Variants in GLYATL3 observed in about 807,000 individuals in gnomAD.
The protein encoded by GLYATL3 is glycine-N-acyltransferase like 3.
GLYATL3 carries 31 observed loss-of-function variants against 28.5 expected under a neutral mutation model. The ratio of observed to expected loss-of-function variants is 1.09; its 90% CI spans 0.82 to 1.47. The LOEUF is 1.47. GLYATL3 is among the 40% of genes most tolerant of loss of function. GLYATL3 has a pLI of 0.00. For missense variants in GLYATL3, 369 were observed against 351.5 expected (o/e 1.05, Z -0.40); for synonymous variants, 141 against 140.2 (o/e 1.01, Z -0.04).
chr6:49,517,619 ATAGT>A, intron 4 of GLYATL3, 63 bp downstream of exon 4: 1 of 1,168,160 alleles, frequency 8.6e-7, no homozygotes, highest in Non-Finnish European at 1.2e-6. Context: ...ATATATCCAG[ATAGT>A]TATAGATATT....
chr6:49,507,182 C>T (rs1769025931), intron 1 of GLYATL3, among the ~76,000 whole-genome samples: 1 of 152,072 alleles, frequency 6.6e-6, no homozygotes, highest in Non-Finnish European at 1.5e-5. Flanking sequence ...GGGTCAGCTA[C>T]CCAAGGTAAA....
At chr6:49,505,886 A>C (rs536104347) in intron 1 of GLYATL3, among the ~76,000 whole-genome samples, 1 of 152,338 alleles carries the variant, frequency 6.6e-6, no homozygotes, top group East Asian at 1.9e-4. Flanking sequence ...AAAACTAAAA[A>C]TTGTAAAGGC....
Position 49,521,678 on chromosome 6 carries a change from C to A in GLYATL3, c.347C>A (p.Ala116Glu). ...LQSELYDVSK[A>E]VANSKQLNIK... ...AGTGAGTTATATGATGTTTCCAAAG[C>A]GGTTGCCAATTCAAAGCAGTTGAAT... Residue 116 changes from alanine (A) to glutamate (E), a missense_variant, in exon 5 of 6, where the codon GCG (alanine) becomes GAG (glutamate). By Grantham distance (107) the Ala-to-Glu change is moderately radical (BLOSUM62 -1). Coordinates refer to ENST00000371197, the MANE Select transcript of GLYATL3 (RefSeq NM_001010904.2). 3 of 1,550,156 alleles carry A rather than the reference C, an allele frequency of 1.9e-6. No individual in the cohort carries two copies.
At chr6:49,524,167 G>T (rs1769362194) in intron 5 of GLYATL3, among the ~76,000 whole-genome samples, 1 of 108,730 alleles carries the variant, frequency 9.2e-6, no homozygotes, top group Admixed American at 9.5e-5. Context: ...CCTTAGCAAT[G>T]ATTTTATTTG....
intron 1 of GLYATL3, among the ~76,000 whole-genome samples, chr6:49,500,833 C>T (rs1768899579): frequency 6.6e-6 from 1 of 152,066 alleles, no homozygotes. Flanking sequence ...TAACATGTTA[C>T]AAAAATGTGT....
chr6:49,503,103 ACT>A (rs1265078638), intron 1 of GLYATL3, among the ~76,000 whole-genome samples: 1 of 146,304 alleles, frequency 6.8e-6, no homozygotes, highest in Non-Finnish European at 1.5e-5. Flanking sequence ...TTGGGATGGT[ACT>A]CTTTTTGTGA....
At chr6:49,517,159 A>AC (rs1769231007) in intron 3 of GLYATL3, among the ~76,000 whole-genome samples, 2 of 148,330 alleles carry the variant, frequency 1.3e-5, no homozygotes, top group Admixed American at 1.3e-4. Context: ...ACTCTGTCTA[A>AC]AAAAAAAAAA....
chr6:49,511,918 A>G, intron 1 of GLYATL3, 45 bp from the exon 2 acceptor site: 1 of 728,062 alleles, frequency 1.4e-6, no homozygotes, highest in Non-Finnish European at 2.3e-6. Flanking sequence ...AGATCCAAAT[A>G]TTAACAGGCA....
chr6:49,507,247 G>A (rs890693092), intron 1 of GLYATL3, among the ~76,000 whole-genome samples: 9 of 152,004 alleles, frequency 5.9e-5, no homozygotes, highest in Non-Finnish European at 1.3e-4. Context: ...ATCACCAGAT[G>A]GAAAAGGAAG....
At chr6:49,520,017 CT>C (rs1769285537) in intron 4 of GLYATL3, among the ~76,000 whole-genome samples, 1 of 152,136 alleles carries the variant, frequency 6.6e-6, no homozygotes, top group South Asian at 2.1e-4. Flanking sequence ...GTTAGCCACT[CT>C]TCTCATAGAA....
rs1211049480 is a variant in GLYATL3 at position 49,526,858 on chromosome 6, C to T, written c.811C>T (p.Arg271Cys). ...KSLHAEFLPC[R>C]FHRLILTPAT... ...TCTCCATGCTGAGTTCTTGCCTTGT[C>T]GCTTCCACAGGCTTATTCTCACCCC... Residue 271 changes from arginine (R) to cysteine (C), a missense_variant, in exon 6 of 6, where the codon CGC becomes TGC. Physicochemically the swap from Arg to Cys is radical, Grantham distance 180. Coordinates refer to ENST00000371197, the MANE Select transcript of GLYATL3 (RefSeq NM_001010904.2). 1.3e-6 allele frequency: 2 copies of T among 1,551,210 alleles called. No individual in the cohort carries two copies. The highest frequency in any genetic ancestry group is 2.4e-5 in the East Asian group (1 of 40,892).
intron 1 of GLYATL3, among the ~76,000 whole-genome samples, chr6:49,500,924 A>G (rs965363908): frequency 2.0e-5 from 3 of 152,214 alleles, no homozygotes; most frequent in Admixed American, 6.5e-5. Context: ...AAAGATCCTT[A>G]TGAAATGAAT....
chr6:49,501,449 C>T (rs1352063137), intron 1 of GLYATL3, among the ~76,000 whole-genome samples: 2 of 152,088 alleles, frequency 1.3e-5, no homozygotes, highest in South Asian at 2.1e-4. Context: ...GTGAGGGCAG[C>T]GGTAGGTTAG....
Position 49,526,547 on chromosome 6 carries a change from G to C in GLYATL3, c.500G>C (p.Arg167Pro). The C allele has an allele frequency of 6.4e-7, 1 of 1,551,720 alleles. No individual in the cohort carries two copies. The highest frequency in any genetic ancestry group is 1.4e-5 in the African/African-American group (1 of 73,146). ...LSVANADLLN[R>P]TWSRGGNEQC... ...GTTGCCAATGCGGATCTACTCAACC[G>C]GACTTGGTCCCGGGGAGGCAATGAA... The change falls in exon 6 of 6, where the codon CGG (arginine) becomes CCG (proline). Residue 167 changes from arginine to proline, a missense_variant. Transcript: ENST00000371197.
chr6:49,501,190 A>G (rs1405910194), intron 1 of GLYATL3, among the ~76,000 whole-genome samples: 1 of 152,190 alleles, frequency 6.6e-6, no homozygotes, highest in African/African-American at 2.4e-5. Flanking sequence ...ACATGAGGTC[A>G]GGAGTTTGAG....
chr6:49,503,514 T>A (rs189509529), intron 1 of GLYATL3, among the ~76,000 whole-genome samples: 1 of 152,268 alleles, frequency 6.6e-6, no homozygotes, highest in African/African-American at 2.4e-5. Context: ...ACTTTTTTGA[T>A]AAGTAATATC....
At chr6:49,515,230 A>G (rs1214904965) in intron 2 of GLYATL3, among the ~76,000 whole-genome samples, 1 of 152,176 alleles carries the variant, frequency 6.6e-6, no homozygotes, top group South Asian at 2.1e-4. Context: ...TTCAAGTAGT[A>G]TACTGGGCTT....
intron 1 of GLYATL3, among the ~76,000 whole-genome samples, chr6:49,509,318 C>G (rs1296808651): frequency 6.6e-6 from 1 of 152,166 alleles, no homozygotes; most frequent in Admixed American, 6.6e-5. Flanking sequence ...TTTTCATCAG[C>G]AGGTCAATAG....
intron 1 of GLYATL3, among the ~76,000 whole-genome samples, chr6:49,511,180 G>T (rs997305448): frequency 6.6e-6 from 1 of 152,006 alleles, no homozygotes; most frequent in Non-Finnish European, 1.5e-5. Context: ...CTTTAATTCA[G>T]TCCATCCCTG....
Sources: gnomAD v4.1 joint callset for allele counts (sites outside exome capture counted in the v4.1 genomes callset) on GRCh38, gnomAD v4.1.1 for gene constraint, MANE v1.5 for transcripts, NCBI Gene and HGNC (gene_info 2026-07-23, HGNC 2026-07-21) for gene names.